CHODL: variants seen among roughly 807,000 people sequenced by gnomAD.
CHODL encodes the protein transmembrane protein MT75.
In CHODL, 29 loss-of-function variants were observed where a neutral mutation model predicts 34.5. The observed-to-expected ratio is 0.84, with a 90% CI of 0.63 to 1.15. CHODL has a LOEUF of 1.15. Among genes scored for constraint, CHODL ranks in the 50% most tolerant of loss-of-function variants. The pLI is 0.00. For synonymous variants in CHODL, 125 were observed against 116.1 expected, an observed-to-expected ratio of 1.08 and a Z score of -0.49; for missense variants, 332 against 332.5, an observed-to-expected ratio of 1.00 and a Z score of 0.01.
chr21:18,216,915 A>G (rs1396816788), intron 2 of CHODL, among the ~76,000 whole-genome samples: 3 of 152,158 alleles, frequency 2.0e-5, no homozygotes, highest in African/African-American at 4.8e-5. Flanking sequence ...GGTTCCTCCC[A>G]TGACACGTGG....
chr21:18,171,549 T>C (rs897089048), intron 2 of CHODL, among the ~76,000 whole-genome samples: 4 of 152,090 alleles, frequency 2.6e-5, no homozygotes, highest in African/African-American at 9.7e-5. Flanking sequence ...CAATTTAAAA[T>C]CTTTGTTTAG....
chr21:18,161,495 G>A (rs944653348), intron 2 of CHODL, among the ~76,000 whole-genome samples: 9 of 151,978 alleles, frequency 5.9e-5, no homozygotes, highest in Non-Finnish European at 7.4e-5. Flanking sequence ...CATTTCTCCC[G>A]CTTTCTCTTT....
chr21:18,116,144 C>T (rs56230630), intron 2 of CHODL, among the ~76,000 whole-genome samples: 17,796 of 152,078 alleles, frequency 0.12, 1,740 homozygotes, highest in African/African-American at 0.27. Context: ...TACAAAACTT[C>T]CTTGAATGAT....
intron 2 of CHODL, among the ~76,000 whole-genome samples, chr21:18,195,402 T>C (rs754187071): frequency 2.6e-5 from 4 of 152,156 alleles, no homozygotes; most frequent in Non-Finnish European, 4.4e-5. Context: ...GTAGATCTCC[T>C]GAACTCATTT....
intron 2 of CHODL, among the ~76,000 whole-genome samples, chr21:18,193,907 C>G (rs568501412): frequency 1.4e-4 from 22 of 152,068 alleles, no homozygotes; most frequent in East Asian, 9.7e-4. Flanking sequence ...ACCTGCCCCC[C>G]CTTGGTAAAT....
At chr21:17,920,797 C>T (rs1266585371) in intron 1 of CHODL, among the ~76,000 whole-genome samples, 1 of 152,066 alleles carries the variant, frequency 6.6e-6, no homozygotes, top group East Asian at 1.9e-4. Context: ...TAGTCAGAGG[C>T]CCCACTGAAG....
At chr21:18,170,492 T>A (rs371203360) in intron 2 of CHODL, among the ~76,000 whole-genome samples, 4 of 152,176 alleles carry the variant, frequency 2.6e-5, no homozygotes, top group Admixed American at 1.3e-4. Context: ...ACTTCTCTAT[T>A]ACTGGCTTAT....
At chr21:17,997,246 T>C (rs2063858601) in intron 1 of CHODL, among the ~76,000 whole-genome samples, 1 of 152,240 alleles carries the variant, frequency 6.6e-6, no homozygotes, top group Non-Finnish European at 1.5e-5. Context: ...TTAATCTTAA[T>C]ATAAAGTCAA....
Position 18,146,095 on chromosome 21 carries a change from A to G in CHODL, c.-44-110414A>G, listed in dbSNP as rs539872746. Among the ~76,000 whole-genome samples the G allele has an allele frequency of 5.0e-4, 75 of 150,542 alleles. No individual in the cohort carries two copies. In the South Asian group the frequency reaches 6.3e-3, roughly 13 times the overall value. On this transcript the variant is annotated intron_variant, in intron 2 of 6. Coordinates refer to the CHODL transcript ENST00000400127. The stretch of plus-strand genomic sequence containing the variant: ...GCAATTCTCCTGCCCCAGCCTCCCG[A>G]GTAGCTGAGACTACATTGCCCGCCA...
intron 2 of CHODL, among the ~76,000 whole-genome samples, chr21:18,100,770 A>G (rs374431865): frequency 6.6e-6 from 1 of 152,164 alleles, no homozygotes; most frequent in Non-Finnish European, 1.5e-5. Flanking sequence ...ATTTTTGCTT[A>G]AGCTTGTTGA....
intron 2 of CHODL, among the ~76,000 whole-genome samples, chr21:18,144,462 T>C (rs1385006224): frequency 6.6e-6 from 1 of 152,102 alleles, no homozygotes; most frequent in Non-Finnish European, 1.5e-5. Context: ...TGAAAGTTGG[T>C]TCACTTTCAA....
intron 1 of CHODL, among the ~76,000 whole-genome samples, chr21:18,251,582 A>AAAAT (rs1163830133): frequency 9.3e-5 from 4 of 42,794 alleles, no homozygotes; most frequent in African/African-American, 3.3e-4. Context: ...TTTAATATAT[A>AAAAT]AAATATTTAT....
chr21:18,105,313 A>G (rs954122291), intron 2 of CHODL, among the ~76,000 whole-genome samples: 2 of 152,220 alleles, frequency 1.3e-5, no homozygotes, highest in African/African-American at 4.8e-5. Context: ...TAGCAGAGCA[A>G]GCTGTGGTAT....
intron 2 of CHODL, among the ~76,000 whole-genome samples, chr21:18,084,782 T>G (rs1258637408): frequency 6.6e-6 from 1 of 152,200 alleles, no homozygotes; most frequent in East Asian, 1.9e-4. Flanking sequence ...CTGTTAAGTT[T>G]ATTTAGTCTA....
chr21:18,085,690 C>T (rs1219348921), intron 2 of CHODL, among the ~76,000 whole-genome samples: 1 of 152,192 alleles, frequency 6.6e-6, no homozygotes, highest in African/African-American at 2.4e-5. Context: ...CCATTCTCTT[C>T]TAGCCTGGAG....
chr21:17,944,730 G>A (rs893037267), intron 1 of CHODL, among the ~76,000 whole-genome samples: 3 of 152,164 alleles, frequency 2.0e-5, no homozygotes, highest in Non-Finnish European at 4.4e-5. Flanking sequence ...GCTAGAGATC[G>A]CATAACAAGC....
chr21:18,125,466 ATAAG>A (rs1461608869), intron 2 of CHODL, among the ~76,000 whole-genome samples: 50 of 152,300 alleles, frequency 3.3e-4, no homozygotes, highest in African/African-American at 1.1e-3. Context: ...AGAAGAAAAT[ATAAG>A]TAAGTAGCTC....
At chr21:18,001,061 A>G (rs1381520559) in intron 1 of CHODL, among the ~76,000 whole-genome samples, 1 of 152,344 alleles carries the variant, frequency 6.6e-6, no homozygotes, top group East Asian at 1.9e-4. Context: ...AGTCCAGGAT[A>G]GGCCAGGTAG....
chr21:17,953,748 A>G (rs2063476314), intron 1 of CHODL, among the ~76,000 whole-genome samples: 1 of 152,162 alleles, frequency 6.6e-6, no homozygotes, highest in African/African-American at 2.4e-5. Flanking sequence ...GTGGTGGCTC[A>G]CGCCTGTAAT....
Sources: allele counts gnomAD v4.1 joint callset (sites outside exome capture counted in the v4.1 genomes callset), GRCh38; gene constraint gnomAD v4.1.1; transcripts MANE v1.5; gene names NCBI Gene and HGNC (gene_info 2026-07-23, HGNC 2026-07-21).